The following SBF2 variants were observed in gnomAD, a reference collection of about 807,000 sequenced individuals.
SBF2 encodes the protein SET binding factor 2, also known as myotubularin-related protein 13.
In SBF2, 112 loss-of-function variants were observed where a neutral mutation model predicts 225.2. That is an observed-to-expected ratio of 0.50 (90% confidence interval 0.43 to 0.58). SBF2 has a LOEUF of 0.58. SBF2 is among the 20% of genes least tolerant of loss of function. SBF2 has a pLI of 0.00. For synonymous variants in SBF2, 763 were observed against 773.3 expected (o/e 0.99, Z 0.22); for missense variants, 1,996 against 2,206.2 (o/e 0.90, Z 1.91).
intron 2 of SBF2, among the ~76,000 whole-genome samples, chr11:10,102,988 C>G (rs1452357362): frequency 1.3e-5 from 2 of 151,922 alleles, no homozygotes; most frequent in East Asian, 3.9e-4. Context: ...TATTGAGAGA[C>G]AATGAAAGAT....
chr11:10,002,704 G>A lies in SBF2; in HGVS notation c.620-15C>T. On this transcript the variant is annotated splice_polypyrimidine_tract_variant and intron_variant, in intron 6 of 39. Coordinates refer to ENST00000256190, the MANE Select transcript of SBF2 (RefSeq NM_030962.4). ...ATTTTGAATTCCTGAAAACATAAGA[G>A]CAAGGACTTACAAATGCATTTAATT... 5 of 1,611,340 alleles carry A rather than the reference G, an allele frequency of 3.1e-6. No individual in the cohort carries two copies. Among genetic ancestry groups the A allele is most frequent in the Non-Finnish European group, 4.2e-6 (5 of 1,177,600 alleles).
chr11:10,248,681 T>C (rs553827481), intron 1 of SBF2, among the ~76,000 whole-genome samples: 6 of 152,248 alleles, frequency 3.9e-5, no homozygotes, highest in African/African-American at 4.8e-5. Context: ...TAAAAGATTA[T>C]TAAAAGTCAT....
At chr11:10,157,891 A>G (rs1229614275) in intron 2 of SBF2, among the ~76,000 whole-genome samples, 1 of 152,160 alleles carries the variant, frequency 6.6e-6, no homozygotes, top group Non-Finnish European at 1.5e-5. Flanking sequence ...AAGGATAAAC[A>G]TTTTCCTAAG....
At chr11:9,961,833 C>A in intron 16 of SBF2, 124 bp downstream of exon 16, 1 of 751,784 alleles carries the variant, frequency 1.3e-6, no homozygotes, top group Non-Finnish European at 2.1e-6. Context: ...GATAGAGATA[C>A]TGACGCTTCA....
At chr11:10,235,083 C>T (rs10840377) in intron 1 of SBF2, among the ~76,000 whole-genome samples, 1 of 152,110 alleles carries the variant, frequency 6.6e-6, no homozygotes, top group South Asian at 2.1e-4. Context: ...ACCTTCCTTA[C>T]GGTACTTATA....
At position 10,016,285 on chromosome 11, in the gene SBF2, A is replaced by G. The variant is rs1948651211; in HGVS notation, c.619+12167T>C. On this transcript the variant is annotated intron_variant, in intron 6 of 39. Coordinates refer to ENST00000256190, the MANE Select transcript of SBF2 (RefSeq NM_030962.4). ...TGATATTGTCAAGGGAGGCAATGCT[A>G]TACTATATTTACTGAGAGGATATAT... 4.6e-5 allele frequency among the ~76,000 whole-genome samples: 7 copies of G among 150,966 alleles called. No homozygotes were observed. The South Asian group carries it at 1.5e-3, about 31-fold the overall frequency.
Position 9,781,634 on chromosome 11 carries a change from C to T in SBF2, c.5324G>A (p.Arg1775His), listed in dbSNP as rs574665066. ...FVLDVTKHQLRYYDSGEDTSC... is the reference protein window; with the variant it reads ...FVLDVTKHQLHYYDSGEDTSC... The stretch of plus-strand genomic sequence containing the variant: ...TGTGTCCTCACCTGAGTCATAGTAG[C>T]GCAGCTGGAACCAAAAGGATACAAG... Residue 1775 changes from arginine (R) to histidine (H), a missense_variant, in exon 39 of 40, where the codon CGC becomes CAC. By Grantham distance (29) the Arg-to-His change is conservative. Transcript: ENST00000256190. The T allele has an allele frequency of 1.3e-5, 21 of 1,614,094 alleles. No homozygotes were observed. Among genetic ancestry groups the T allele is most frequent in the East Asian group, 2.2e-5 (1 of 44,892 alleles).
At position 10,250,376 on chromosome 11, in the gene SBF2, G is replaced by A. The variant is rs147850894; in HGVS notation, c.55+43639C>T. Among the ~76,000 whole-genome samples, 18 of 152,318 alleles carry A rather than the reference G, an allele frequency of 1.2e-4. No homozygotes were observed. The East Asian group carries it at 3.1e-3, about 26-fold the overall frequency. On this transcript the variant is annotated intron_variant, in intron 1 of 39. Coordinates refer to ENST00000256190, the MANE Select transcript of SBF2 (RefSeq NM_030962.4). ...TAAGCATGGACTCAGAACCAGGACA[G>A]CTGCCTTGTCCTTCTTGAGTCCTTA...
At chr11:9,795,279 G>A (rs1319649564) in intron 33 of SBF2, among the ~76,000 whole-genome samples, 2 of 152,176 alleles carry the variant, frequency 1.3e-5, no homozygotes, top group African/African-American at 4.8e-5. Context: ...GGGCTAAGAG[G>A]CTAAGTGACT....
intron 1 of SBF2, among the ~76,000 whole-genome samples, chr11:10,291,172 G>A (rs1236427998): frequency 1.3e-5 from 2 of 152,142 alleles, no homozygotes; most frequent in African/African-American, 2.4e-5. Context: ...CCCAAAATTC[G>A]TATGTTAAAA....
intron 2 of SBF2, among the ~76,000 whole-genome samples, chr11:10,080,708 T>A (rs1951331851): frequency 6.6e-6 from 1 of 152,136 alleles, no homozygotes; most frequent in African/African-American, 2.4e-5. Context: ...TATATTCTGC[T>A]TATGAGAAAT....
At chr11:10,211,961 C>A (rs796257995) in intron 1 of SBF2, among the ~76,000 whole-genome samples, 1 of 152,172 alleles carries the variant, frequency 6.6e-6, no homozygotes, top group Non-Finnish European at 1.5e-5. Context: ...TATGATAATA[C>A]ACCATCATTC....
chr11:10,173,168 G>T (rs1032111945), intron 2 of SBF2, among the ~76,000 whole-genome samples: 1 of 152,224 alleles, frequency 6.6e-6, no homozygotes, highest in East Asian at 1.9e-4. Context: ...CAAGATGGCC[G>T]AATAGGAACA....
At chr11:10,110,635 G>A (rs1952793411) in intron 2 of SBF2, among the ~76,000 whole-genome samples, 1 of 151,916 alleles carries the variant, frequency 6.6e-6, no homozygotes, top group Non-Finnish European at 1.5e-5. Flanking sequence ...AATGACACGA[G>A]TTTTAAAAGC....
intron 1 of SBF2, among the ~76,000 whole-genome samples, chr11:10,225,445 T>C (rs1171672992): frequency 6.6e-6 from 1 of 151,746 alleles, no homozygotes; most frequent in Non-Finnish European, 1.5e-5. Flanking sequence ...GGTATAACAA[T>C]GTTCTTAAGA....
chr11:9,897,833 C>T (rs1205798463), intron 16 of SBF2, among the ~76,000 whole-genome samples: 3 of 152,210 alleles, frequency 2.0e-5, no homozygotes, highest in Non-Finnish European at 2.9e-5. Flanking sequence ...CACAGAGCCA[C>T]AACTGGAGTC....
intron 13 of SBF2, among the ~76,000 whole-genome samples, chr11:9,973,965 C>T (rs1286626532): frequency 2.0e-5 from 3 of 152,162 alleles, no homozygotes; most frequent in Non-Finnish European, 4.4e-5. Context: ...ATACTTAGAG[C>T]TATGTGGGAT....
intron 16 of SBF2, among the ~76,000 whole-genome samples, chr11:9,939,047 T>C (rs971034472): frequency 2.0e-5 from 3 of 151,986 alleles, no homozygotes; most frequent in African/African-American, 4.8e-5. Context: ...CAAAGAAAAA[T>C]AGAAAAGCCA....
At chr11:9,865,862 T>A (rs1219738955) in intron 17 of SBF2, among the ~76,000 whole-genome samples, 1 of 152,124 alleles carries the variant, frequency 6.6e-6, no homozygotes, top group African/African-American at 2.4e-5. Context: ...CTGCACAATT[T>A]AACTATTGTA....
Sources: allele counts gnomAD v4.1 joint callset (sites outside exome capture counted in the v4.1 genomes callset), GRCh38; gene constraint gnomAD v4.1.1; transcripts MANE v1.5; gene names NCBI Gene and HGNC (gene_info 2026-07-23, HGNC 2026-07-21).